Variants in MED13 observed in about 807,000 individuals in gnomAD.
The protein encoded by MED13 is mediator of RNA polymerase II transcription subunit 13.
In MED13, 23 loss-of-function variants were observed where a neutral mutation model predicts 225.2. The ratio of observed to expected loss-of-function variants is 0.10; its 90% CI spans 0.07 to 0.14. The LOEUF (loss-of-function observed/expected upper bound fraction) is 0.14. Ranked by LOEUF, MED13 falls within the 10% of genes least tolerant of loss-of-function variation. MED13 has a pLI of 1.00. For synonymous variants in MED13, 942 were observed against 889.2 expected (o/e 1.06, Z -1.06); for missense variants, 2,197 against 2,594.5 (o/e 0.85, Z 3.33).
intron 16 of MED13, among the ~76,000 whole-genome samples, chr17:61,973,628 A>G (rs1461100426): frequency 6.6e-6 from 1 of 152,184 alleles, no homozygotes; most frequent in Non-Finnish European, 1.5e-5. Flanking sequence ...AAATTATTCA[A>G]TTTTAATTCG....
intron 5 of MED13, chr17:62,032,609 C>G (rs2143683111): frequency 6.6e-6 from 1 of 152,250 alleles, no homozygotes; most frequent in Non-Finnish European, 1.5e-5. Context: ...TCCATGCCTC[C>G]TCTCATGCCT....
At position 61,982,562 on chromosome 17, in the gene MED13, A is replaced by G. The variant is rs775064161; in HGVS notation, c.3441T>C (p.Asp1147=). The G allele has an allele frequency of 6.2e-7, 1 of 1,614,110 alleles. No homozygotes were observed. The highest frequency in any genetic ancestry group is 8.5e-7 in the Non-Finnish European group (1 of 1,180,004). The change falls in exon 16 of 30, where the codon GAT becomes GAC. Residue 1147 remains aspartate (D), a synonymous_variant. Coordinates refer to ENST00000397786, the MANE Select transcript of MED13 (RefSeq NM_005121.3). ...NSGLFLEDEL[D]IIGRNTDCGK... is the part of the protein sequence containing the mutation. ...CACAGTCTGTATTGCGTCCTATGAT[A>G]TCTAGTTCATCTTCAAGAAATAATC...
rs200802584 is a variant in MED13 at position 61,984,758 on chromosome 17, T to C, written c.2584A>G (p.Thr862Ala). 287 of 1,613,660 alleles carry C rather than the reference T, an allele frequency of 1.8e-4. No individual in the cohort carries two copies. In the East Asian group the frequency reaches 2.1e-3, roughly 12 times the overall value. ...TCTAGAACAGTTCCTCCAGGTGTTG[T>C]ATCCATACTACCATATTCTTTATTA... ...MNNKEYGSMDTTPGGTVLEGN... is the reference protein window; with the variant it reads ...MNNKEYGSMDATPGGTVLEGN... Residue 862 changes from threonine (T) to alanine (A), a missense_variant, in exon 14 of 30, where the codon ACA (threonine) becomes GCA (alanine). By Grantham distance (58) the Thr-to-Ala change is moderately conservative. Coordinates refer to ENST00000397786, the MANE Select transcript of MED13 (RefSeq NM_005121.3).
At chr17:62,036,475 A>G (rs1017514331) in intron 3 of MED13, among the ~76,000 whole-genome samples, 5 of 152,180 alleles carry the variant, frequency 3.3e-5, no homozygotes, top group African/African-American at 1.2e-4. Flanking sequence ...ATAAGAGTGT[A>G]CACTAAGAAA....
At chr17:62,033,696 G>A (rs538076766) in intron 5 of MED13, 91 bp downstream of exon 5, 3 of 1,206,368 alleles carry the variant, frequency 2.5e-6, no homozygotes, top group African/African-American at 1.5e-5. Context: ...GAAAGCCACT[G>A]AGTTATTAGA....
chr17:62,023,381 A>G (rs2080668759), intron 8 of MED13, among the ~76,000 whole-genome samples: 1 of 152,224 alleles, frequency 6.6e-6, no homozygotes, highest in Non-Finnish European at 1.5e-5. Context: ...TATGACTTCT[A>G]GCACTGAAAG....
chr17:61,963,460 A>C (rs534673984), intron 20 of MED13, among the ~76,000 whole-genome samples: 94 of 152,040 alleles, frequency 6.2e-4, no homozygotes, highest in Admixed American at 2.2e-3. Context: ...CTCTCTCTCT[A>C]TATATGTGTA....
chr17:61,984,351 T>C lies in MED13; in HGVS notation c.2708A>G (p.Tyr903Cys), dbSNP rs755049991. The change falls in exon 15 of 30, where the codon TAT (tyrosine) becomes TGT (cysteine). Residue 903 changes from tyrosine (Y) to cysteine (C), a missense_variant. Transcript: ENST00000397786. ...PSEIKDFSYV[Y>C]KPENCQILVG... Reference sequence around the variant, plus strand: ...TAGAATTTGACAATTTTCAGGCTTATAGACATAAGAAAAATCCTACAATAT... The same window carrying C: ...TAGAATTTGACAATTTTCAGGCTTACAGACATAAGAAAAATCCTACAATAT... 6.4e-6 allele frequency: 10 copies of C among 1,570,522 alleles called. No individual in the cohort carries two copies. The highest frequency in any genetic ancestry group is 2.4e-5 in the South Asian group (2 of 83,678).
chr17:61,958,596 C>T (rs1308641136), intron 23 of MED13, among the ~76,000 whole-genome samples: 1 of 152,102 alleles, frequency 6.6e-6, no homozygotes, highest in Middle Eastern at 3.2e-3. Context: ...CTTGGCCTCC[C>T]AAAGTGCTGG....
At chr17:62,016,556 T>C (rs907392685) in intron 8 of MED13, among the ~76,000 whole-genome samples, 5 of 152,226 alleles carry the variant, frequency 3.3e-5, no homozygotes, top group African/African-American at 9.6e-5. Flanking sequence ...ATGTAGCTAT[T>C]AGACACTTGA....
rs1232767131 is a variant in MED13, at chr17:62,015,969, T to A, written c.1284-4736A>T. On this transcript the variant is annotated intron_variant, in intron 8 of 29. Coordinates refer to ENST00000397786, the MANE Select transcript of MED13 (RefSeq NM_005121.3). ...ATATATATATATTTTTTTTTTTTTT[T>A]TTTTTTTTTTTTTTAGTAGAGACCG... Among the ~76,000 whole-genome samples the A allele has an allele frequency of 0.027, 1,671 of 61,984 alleles. 166 individuals carry two copies. The East Asian group carries it at 0.3, about 11-fold the overall frequency. The allele number at this position is 61,984 out of a possible 152,430, so 40.7% of individuals were successfully genotyped here. A position where few individuals can be genotyped will look rare whatever the true frequency, so the allele number is the denominator to read the frequency against.
chr17:62,009,565 G>A lies in MED13; in HGVS notation c.1967+985C>T, dbSNP rs1273106426. On this transcript the variant is annotated intron_variant, in intron 9 of 29. Transcript: ENST00000397786. ...CTGTAAATTACTGAAATTAAATCTT[G>A]TAAGACCAACTATAGAGGAAAATAT... 2.6e-5 allele frequency among the ~76,000 whole-genome samples: 4 copies of A among 152,262 alleles called. 1 individual carries two copies. The highest frequency in any genetic ancestry group is 2.1e-4 in the South Asian group (1 of 4,830).
At chr17:62,029,750 T>TA in intron 7 of MED13, 99 bp from the exon 8 acceptor site, 1 of 1,506,974 alleles carries the variant, frequency 6.6e-7, no homozygotes, top group Non-Finnish European at 9.0e-7. Flanking sequence ...CATTATGAGT[T>TA]AAAGAAAAAT....
intron 17 of MED13, among the ~76,000 whole-genome samples, chr17:61,969,735 G>A (rs2080090811): frequency 6.6e-6 from 1 of 151,912 alleles, no homozygotes; most frequent in Non-Finnish European, 1.5e-5. Context: ...CTGAGTAGCT[G>A]GGATTATAGG....
intron 8 of MED13, among the ~76,000 whole-genome samples, chr17:62,011,945 G>T (rs746073835): frequency 2.0e-5 from 3 of 152,176 alleles, no homozygotes. Context: ...GGCTGGGCAT[G>T]GTGGCTGACA....
intron 29 of MED13, 150 bp downstream of exon 29, chr17:61,946,767 G>A: frequency 9.4e-7 from 1 of 1,063,802 alleles, no homozygotes. Context: ...CTCAAAAGTA[G>A]ATTACTCAAG....
intron 12 of MED13, among the ~76,000 whole-genome samples, chr17:61,986,635 T>C (rs1428219190): frequency 2.0e-5 from 3 of 152,232 alleles, no homozygotes; most frequent in African/African-American, 7.2e-5. Flanking sequence ...TTAATGTCAA[T>C]TATGTATGTG....
At chr17:61,973,023 G>C (rs2080123093) in intron 16 of MED13, 135 bp from the exon 17 acceptor site, 3 of 588,854 alleles carry the variant, frequency 5.1e-6, no homozygotes, top group Non-Finnish European at 8.3e-6. Context: ...TACTTGTGCA[G>C]AGAATTGCAT....
intron 24 of MED13, 95 bp from the exon 25 acceptor site, chr17:61,955,933 A>G: frequency 7.3e-7 from 1 of 1,378,558 alleles, no homozygotes; most frequent in South Asian, 1.9e-5. Flanking sequence ...AAGTTAAAAT[A>G]TAAAAATAGT....
Sources: allele counts gnomAD v4.1 joint callset (sites outside exome capture counted in the v4.1 genomes callset), GRCh38; gene constraint gnomAD v4.1.1; transcripts MANE v1.5; gene names NCBI Gene and HGNC (gene_info 2026-07-23, HGNC 2026-07-21).